KCNMA1: variants seen among roughly 807,000 people sequenced by gnomAD.
KCNMA1 encodes potassium calcium-activated channel subfamily M alpha 1, also known as Calcium-activated potassium channel subunit alpha-1.
In KCNMA1, 29 loss-of-function variants were observed where a neutral mutation model predicts 140.0. The ratio of observed to expected loss-of-function variants is 0.21; its 90% confidence interval spans 0.15 to 0.28. KCNMA1 has a LOEUF of 0.28. KCNMA1 is among the 10% of genes least tolerant of loss of function. The probability of loss-of-function intolerance (pLI) is 1.00; values close to 1 mark genes in which losing one functional copy is unlikely to be tolerated. For synonymous variants in KCNMA1, 612 were observed against 611.9 expected, an observed-to-expected ratio of 1.00 and a Z score of 0.00; for missense variants, 880 against 1,602.2, an observed-to-expected ratio of 0.55 and a Z score of 7.70.
At chr10:77,127,252 C>A (rs973590942) in intron 5 of KCNMA1, among the ~76,000 whole-genome samples, 3 of 151,796 alleles carry the variant, frequency 2.0e-5, no homozygotes, top group African/African-American at 7.3e-5. Context: ...CTAACTATAT[C>A]TTTTTTAAAA....
At chr10:77,599,467 G>A (rs995934106) in intron 1 of KCNMA1, among the ~76,000 whole-genome samples, 3 of 152,066 alleles carry the variant, frequency 2.0e-5, no homozygotes, top group Non-Finnish European at 4.4e-5. Context: ...TTGTGGTATT[G>A]CGCTGGCTCT....
rs1001927506 is a variant in KCNMA1 at position 77,006,214 on chromosome 10, A to G, written c.2093-4634T>C. On this transcript the variant is annotated intron_variant, in intron 18 of 27. Transcript: ENST00000286628. ...AAAGCAGTACTGGACTGAGGGGCCC[A>G]GGTGGAGTTTTCCAACTGCTGGGGA... 3.3e-5 allele frequency among the ~76,000 whole-genome samples: 5 copies of G among 152,308 alleles called. No individual in the cohort carries two copies. In the East Asian group the frequency reaches 9.7e-4, roughly 29 times the overall value.
At chr10:77,009,222 A>G (rs893558443) in intron 18 of KCNMA1, among the ~76,000 whole-genome samples, 2 of 152,178 alleles carry the variant, frequency 1.3e-5, no homozygotes, top group Non-Finnish European at 2.9e-5. Context: ...GGTGCAGTGC[A>G]TAATGGGAGA....
rs899641313 is a variant in KCNMA1, at chr10:77,498,721, C to T, written c.379-94698G>A. ...TTGACCCTCCCTATTTACAGGCAAA[C>T]ACTGACTGCATTCATGGATGCAAAA... On this transcript the variant is annotated intron_variant, in intron 1 of 27. Transcript: ENST00000286628. 7 of 152,158 alleles carry T rather than the reference C, an allele frequency of 4.6e-5. No homozygotes were observed. In the East Asian group the frequency reaches 1.2e-3, roughly 25 times the overall value. 9.4% of individuals were successfully genotyped at this position (152,158 alleles called of 1,614,324 possible). A position where few individuals can be genotyped will look rare whatever the true frequency, so the allele number is the denominator to read the frequency against.
intron 1 of KCNMA1, among the ~76,000 whole-genome samples, chr10:77,525,356 C>T (rs993793476): frequency 1.5e-4 from 23 of 152,324 alleles, no homozygotes; most frequent in African/African-American, 5.3e-4. Context: ...TTCCAGATGC[C>T]TTGAGGCTTC....
chr10:76,924,229 G>A (rs1203088025), intron 23 of KCNMA1, among the ~76,000 whole-genome samples: 1 of 152,104 alleles, frequency 6.6e-6, no homozygotes, highest in Non-Finnish European at 1.5e-5. Context: ...AATTGGTTAA[G>A]TATGCATCCA....
chr10:76,869,925 C>A (rs1273362389), exon 28 of KCNMA1: 1 of 152,476 alleles, frequency 6.6e-6, no homozygotes, highest in African/African-American at 2.4e-5. Flanking sequence ...CCTAAAGAAA[C>A]CTTGAAGTGC....
chr10:77,313,131 G>A (rs2079793619), intron 2 of KCNMA1, among the ~76,000 whole-genome samples: 1 of 152,168 alleles, frequency 6.6e-6, no homozygotes, highest in Non-Finnish European at 1.5e-5. Flanking sequence ...GTTGGTCTGT[G>A]ATGGCTCATC....
chr10:77,332,129 C>T (rs12220505), intron 2 of KCNMA1, among the ~76,000 whole-genome samples: 24,774 of 151,914 alleles, frequency 0.16, 3,009 homozygotes, highest in African/African-American at 0.35. Flanking sequence ...ATTTACAGTA[C>T]GATAGGCTGA....
At chr10:76,909,146 T>A (rs2049008925) in intron 25 of KCNMA1, among the ~76,000 whole-genome samples, 1 of 152,200 alleles carries the variant, frequency 6.6e-6, no homozygotes, top group African/African-American at 2.4e-5. Context: ...AGGACTTCAG[T>A]CTCAGTGACA....
chr10:77,037,004 C>G (rs901544305), intron 15 of KCNMA1, among the ~76,000 whole-genome samples: 2 of 152,208 alleles, frequency 1.3e-5, no homozygotes, highest in African/African-American at 2.4e-5. Context: ...CACATTCTCA[C>G]TCACATCAGA....
At chr10:77,519,503 T>G (rs1201615127) in intron 1 of KCNMA1, among the ~76,000 whole-genome samples, 3 of 152,194 alleles carry the variant, frequency 2.0e-5, no homozygotes, top group Non-Finnish European at 2.9e-5. Flanking sequence ...TGATTTTTTT[T>G]TTGTTTTATG....
chr10:77,414,485 T>C (rs1474987219), intron 1 of KCNMA1, among the ~76,000 whole-genome samples: 8 of 152,244 alleles, frequency 5.3e-5, no homozygotes, highest in Admixed American at 3.3e-4. Context: ...ATGTTTTTTC[T>C]TTTTTTCTTT....
intron 3 of KCNMA1, among the ~76,000 whole-genome samples, chr10:77,205,557 G>A (rs753218181): frequency 7.9e-5 from 12 of 152,130 alleles, no homozygotes; most frequent in Non-Finnish European, 1.3e-4. Flanking sequence ...TTCCAGTAAG[G>A]CTGAATATAT....
At chr10:77,526,526 A>T (rs1023317936) in intron 1 of KCNMA1, among the ~76,000 whole-genome samples, 1 of 152,192 alleles carries the variant, frequency 6.6e-6, no homozygotes, top group Non-Finnish European at 1.5e-5. Flanking sequence ...AGATATTTGC[A>T]CTTTTCGGTT....
At chr10:77,216,329 G>A (rs1029516939) in intron 3 of KCNMA1, among the ~76,000 whole-genome samples, 1 of 152,002 alleles carries the variant, frequency 6.6e-6, no homozygotes, top group Admixed American at 6.6e-5. Flanking sequence ...GAATTCTATG[G>A]TATATAAAAC....
chr10:77,356,923 G>A (rs2093541153), intron 2 of KCNMA1, among the ~76,000 whole-genome samples: 1 of 152,160 alleles, frequency 6.6e-6, no homozygotes, highest in African/African-American at 2.4e-5. Context: ...TAGGACTTTT[G>A]CTGGAACTAC....
chr10:77,595,116 C>T (rs1169648547), intron 1 of KCNMA1, among the ~76,000 whole-genome samples: 4 of 152,118 alleles, frequency 2.6e-5, no homozygotes, highest in South Asian at 2.1e-4. Context: ...GAGGCCAAGG[C>T]GGGCAGATCA....
intron 3 of KCNMA1, among the ~76,000 whole-genome samples, chr10:77,246,387 G>A (rs2058549759): frequency 6.6e-6 from 1 of 152,218 alleles, no homozygotes; most frequent in Non-Finnish European, 1.5e-5. Flanking sequence ...GCCTAGCTCT[G>A]TAGCTCACAG....
Sources: gnomAD v4.1 joint callset for allele counts (sites outside exome capture counted in the v4.1 genomes callset) on GRCh38, gnomAD v4.1.1 for gene constraint, MANE v1.5 for transcripts, NCBI Gene and HGNC (gene_info 2026-07-23, HGNC 2026-07-21) for gene names.